Variants in NRG4 observed in about 807,000 individuals in gnomAD.
NRG4 encodes pro-neuregulin-4, membrane-bound isoform.
In NRG4, 10 loss-of-function variants were observed where a neutral mutation model predicts 15.0. The observed-to-expected ratio is 0.67, with a 90% CI of 0.41 to 1.13. The LOEUF is 1.13. Among genes scored for constraint, NRG4 ranks in the 50% most tolerant of loss-of-function variants. NRG4 has a pLI of 0.00. For synonymous variants in NRG4, 41 were observed against 50.1 expected (o/e 0.82, Z 0.77); for missense variants, 139 against 140.2 (o/e 0.99, Z 0.04).
chr15:76,028,916 A>C (rs947593772), intron 5 of NRG4, among the ~76,000 whole-genome samples: 1 of 151,574 alleles, frequency 6.6e-6, no homozygotes, highest in Non-Finnish European at 1.5e-5. Flanking sequence ...AAAAAAAAAA[A>C]AAAAAAAAAA....
At chr15:76,051,846 C>T (rs2036028935) in intron 4 of NRG4, among the ~76,000 whole-genome samples, 1 of 150,874 alleles carries the variant, frequency 6.6e-6, no homozygotes, top group Non-Finnish European at 1.5e-5. Context: ...GCTAGGATTA[C>T]AGGCGTGAGC....
chr15:76,023,164 AC>A (rs1414046262), intron 5 of NRG4, among the ~76,000 whole-genome samples: 5 of 150,040 alleles, frequency 3.3e-5, no homozygotes, highest in Non-Finnish European at 5.9e-5. Flanking sequence ...ACACACACAC[AC>A]ACACACACAC....
chr15:75,957,607 A>T (rs1244565786), intron 4 of NRG4, among the ~76,000 whole-genome samples: 1 of 152,152 alleles, frequency 6.6e-6, no homozygotes, highest in Non-Finnish European at 1.5e-5. Flanking sequence ...CCTGCTTGAG[A>T]TTTGTTAGGC....
At chr15:75,974,541 G>T (rs2033275253) in intron 3 of NRG4, among the ~76,000 whole-genome samples, 1 of 152,170 alleles carries the variant, frequency 6.6e-6, no homozygotes. Flanking sequence ...GTGTCCCAGA[G>T]ATTCTGGTAT....
At chr15:75,957,063 C>G (rs1343627030) in intron 4 of NRG4, among the ~76,000 whole-genome samples, 3 of 152,066 alleles carry the variant, frequency 2.0e-5, no homozygotes, top group Non-Finnish European at 4.4e-5. Flanking sequence ...TCAAAATTAA[C>G]TTATATATTT....
intron 3 of NRG4, among the ~76,000 whole-genome samples, chr15:75,999,148 T>C (rs1362189417): frequency 6.6e-6 from 1 of 152,224 alleles, no homozygotes; most frequent in African/African-American, 2.4e-5. Flanking sequence ...ATTCATTCAT[T>C]CATTTAATAA....
intron 3 of NRG4, among the ~76,000 whole-genome samples, chr15:75,974,306 C>CA (rs755272502): frequency 1.7e-4 from 26 of 152,174 alleles, no homozygotes; most frequent in Non-Finnish European, 3.4e-4. Context: ...TTAATCTTTT[C>CA]AAAAAACCAG....
chr15:75,981,006 G>A (rs553351180), intron 3 of NRG4, among the ~76,000 whole-genome samples: 2 of 152,248 alleles, frequency 1.3e-5, no homozygotes, highest in East Asian at 3.9e-4. Flanking sequence ...TCAGTAAAAT[G>A]AAATGAAATG....
At chr15:76,042,924 C>A (rs1302478592) in intron 4 of NRG4, among the ~76,000 whole-genome samples, 1 of 151,974 alleles carries the variant, frequency 6.6e-6, no homozygotes, top group Non-Finnish European at 1.5e-5. Flanking sequence ...ACTAGCAAAC[C>A]AAATTCAACA....
chr15:75,938,578 C>CAGAT (rs1263107703), downstream of NRG4: 3 of 152,118 alleles, frequency 2.0e-5, no homozygotes, highest in Non-Finnish European at 2.9e-5. Flanking sequence ...AGAATATCAA[C>CAGAT]AGATAGGCAT....
chr15:76,057,775 T>A (rs2036187938), intron 1 of NRG4, among the ~76,000 whole-genome samples: 1 of 151,704 alleles, frequency 6.6e-6, no homozygotes, highest in South Asian at 2.1e-4. Context: ...GTAAACTTTA[T>A]TAGCATGTAA....
intron 5 of NRG4, among the ~76,000 whole-genome samples, chr15:76,029,292 G>A (rs988963111): frequency 6.6e-6 from 1 of 151,996 alleles, no homozygotes; most frequent in African/African-American, 2.4e-5. Context: ...GGTATAGAAG[G>A]AAAATACCTT....
intron 5 of NRG4, among the ~76,000 whole-genome samples, chr15:76,032,619 A>T (rs1431176351): frequency 1.3e-5 from 2 of 152,184 alleles, no homozygotes; most frequent in African/African-American, 4.8e-5. Flanking sequence ...CCACAGAAAA[A>T]TATCTATTCT....
chr15:76,054,902 T>C (rs1321804301), intron 2 of NRG4, among the ~76,000 whole-genome samples: 1 of 152,234 alleles, frequency 6.6e-6, no homozygotes, highest in Non-Finnish European at 1.5e-5. Flanking sequence ...ACCTCTTTTC[T>C]TGATTTCTTT....
intron 5 of NRG4, among the ~76,000 whole-genome samples, chr15:76,029,852 G>A (rs2035424922): frequency 6.6e-6 from 1 of 152,112 alleles, no homozygotes; most frequent in African/African-American, 2.4e-5. Flanking sequence ...ACTACCCAAG[G>A]AAACCTACAG....
At chr15:76,036,117 T>A (rs1567122288) in intron 4 of NRG4, 1 of 152,232 alleles carries the variant, frequency 6.6e-6, no homozygotes, top group African/African-American at 2.4e-5. Flanking sequence ...AACTACTTTA[T>A]TCTTCTCTGG....
chr15:75,984,186 A>T (rs915987204), intron 3 of NRG4, among the ~76,000 whole-genome samples: 1 of 152,084 alleles, frequency 6.6e-6, no homozygotes, highest in African/African-American at 2.4e-5. Context: ...TGAACTATGG[A>T]CTTTGGTGAT....
Position 76,025,342 on chromosome 15 carries a change from G to A in NRG4, c.-57+10602C>T, listed in dbSNP as rs189646876. Among the ~76,000 whole-genome samples the A allele has an allele frequency of 7.6e-3, 1,157 of 152,264 alleles. 9 individuals are homozygous for A. Among genetic ancestry groups the A allele is most frequent in the Non-Finnish European group, 0.012 (828 of 68,018 alleles). The stretch of plus-strand genomic sequence containing the variant: ...TAGTCCCAGCTACTTGGGAGGCAGA[G>A]GCAGGAGAATGGTGTGAACCCGGCA... On this transcript the variant is annotated intron_variant, in intron 5 of 8. Coordinates refer to the NRG4 transcript ENST00000563910.
intron 3 of NRG4, among the ~76,000 whole-genome samples, chr15:75,975,679 C>T (rs889946354): frequency 9.9e-5 from 15 of 152,156 alleles, no homozygotes; most frequent in Admixed American, 5.9e-4. Flanking sequence ...TATTGGCCCC[C>T]GCTCTCTTCT....
Sources: allele counts gnomAD v4.1 joint callset (sites outside exome capture counted in the v4.1 genomes callset), GRCh38; gene constraint gnomAD v4.1.1; transcripts MANE v1.5; gene names NCBI Gene and HGNC (gene_info 2026-07-23, HGNC 2026-07-21).